Variants in ERBIN observed in about 807,000 individuals in gnomAD.
The protein encoded by ERBIN is erbb2 interacting protein.
Under a neutral mutation model 158.4 loss-of-function variants are expected in ERBIN, and 60 were observed. That is an observed-to-expected ratio of 0.38 (90% CI 0.31 to 0.47). ERBIN has a LOEUF of 0.47. Ranked by LOEUF, ERBIN falls within the 20% of genes least tolerant of loss-of-function variation. The pLI, the probability that ERBIN is intolerant of heterozygous loss-of-function variation, is 0.99. For synonymous variants in ERBIN, 594 were observed against 557.2 expected (o/e 1.07, Z -0.93); for missense variants, 1,610 against 1,648.0 (o/e 0.98, Z 0.40).
intron 21 of ERBIN, among the ~76,000 whole-genome samples, chr5:66,067,238 A>G (rs971332152): frequency 6.6e-6 from 1 of 152,216 alleles, no homozygotes; most frequent in African/African-American, 2.4e-5. Context: ...ATTTCACAGA[A>G]TAACTGGAAG....
chr5:66,021,894 C>G (rs1755731363), intron 8 of ERBIN, among the ~76,000 whole-genome samples: 1 of 151,836 alleles, frequency 6.6e-6, no homozygotes, highest in South Asian at 2.1e-4. Flanking sequence ...GAAGCTGACT[C>G]TAAAAGGAAA....
At chr5:65,977,057 C>T (rs868254960) in intron 1 of ERBIN, among the ~76,000 whole-genome samples, 6 of 151,960 alleles carry the variant, frequency 3.9e-5, no homozygotes, top group South Asian at 4.2e-4. Flanking sequence ...GGGTGGTGGC[C>T]GGGCAGAGGG....
intron 21 of ERBIN, among the ~76,000 whole-genome samples, chr5:66,061,101 G>A (rs1760241222): frequency 6.6e-6 from 1 of 152,116 alleles, no homozygotes; most frequent in African/African-American, 2.4e-5. Context: ...GGATATCCTT[G>A]TTAACTTTCT....
At chr5:65,976,331 A>G (rs1749848299) in intron 1 of ERBIN, among the ~76,000 whole-genome samples, 1 of 151,960 alleles carries the variant, frequency 6.6e-6, no homozygotes, top group East Asian at 1.9e-4. Context: ...GAAATTAACT[A>G]TATGTAGTGG....
In ERBIN at chr5:66,080,538, T is replaced by A. The variant is rs1561469664; in HGVS notation, c.*2008T>A. Reference sequence around the variant, plus strand: ...ACAAGTCTCGGTGTTCCCTTTATTCTTAGTTTGTTTTTAAATATTAATTTT... The same window carrying A: ...ACAAGTCTCGGTGTTCCCTTTATTCATAGTTTGTTTTTAAATATTAATTTT... On this transcript the variant is annotated 3_prime_UTR_variant, in exon 26 of 26. Coordinates refer to ENST00000284037, the MANE Select transcript of ERBIN (RefSeq NM_001253697.2). The A allele has an allele frequency of 6.6e-6, 1 of 152,068 alleles. No homozygotes were observed. The highest frequency in any genetic ancestry group is 1.5e-5 in the Non-Finnish European group (1 of 67,886). 9.4% of individuals were successfully genotyped at this position (152,068 alleles called of 1,614,324 possible).
chr5:65,946,957 AT>A (rs368824685), intron 1 of ERBIN, among the ~76,000 whole-genome samples: 10 of 148,552 alleles, frequency 6.7e-5, no homozygotes, highest in South Asian at 6.4e-4. Context: ...TTCTAACTGG[AT>A]TTTTTTTTTG....
At position 66,078,290 on chromosome 5, in the gene ERBIN, G is replaced by T. The variant is rs942789173; in HGVS notation, c.4132-133G>T. On this transcript the variant is annotated intron_variant, in intron 25 of 25. Coordinates refer to ENST00000284037, the MANE Select transcript of ERBIN (RefSeq NM_001253697.2). ...AGACTTTATTCCTTGGTTTGGGTAG[G>T]GCCTGTGAATCTGTATGTTATTTTA... is the stretch of plus-strand genomic sequence containing the variant. 3.5e-5 allele frequency: 22 copies of T among 633,924 alleles called. No individual in the cohort carries two copies. In the African/African-American group the frequency reaches 4.3e-4, roughly 12 times the overall value. 39.3% of individuals were successfully genotyped at this position (633,924 alleles called of 1,614,324 possible). A position where few individuals can be genotyped will look rare whatever the true frequency, so the allele number is the denominator to read the frequency against.
At chr5:66,021,061 T>C (rs1370061016) in intron 7 of ERBIN, among the ~76,000 whole-genome samples, 1 of 151,996 alleles carries the variant, frequency 6.6e-6, no homozygotes, top group Admixed American at 6.5e-5. Context: ...TTCTGGCTTG[T>C]GGGTTTAAAT....
At chr5:66,071,527 G>A (rs1188764379) in intron 21 of ERBIN, among the ~76,000 whole-genome samples, 2 of 152,068 alleles carry the variant, frequency 1.3e-5, no homozygotes, top group African/African-American at 2.4e-5. Flanking sequence ...CTCCATATCA[G>A]TACTTCTGAA....
intron 3 of ERBIN, among the ~76,000 whole-genome samples, chr5:65,993,832 T>TG (rs1752140331): frequency 6.6e-6 from 1 of 152,128 alleles, no homozygotes. Context: ...CATAAAACTG[T>TG]GGGATATACT....
In ERBIN at chr5:66,079,401, T is replaced by C. The variant is rs1762276459; in HGVS notation, c.*871T>C. 1 of 152,226 alleles carries C rather than the reference T, an allele frequency of 6.6e-6. No homozygotes were observed. The highest frequency in any genetic ancestry group is 2.4e-5 in the African/African-American group (1 of 41,376). 9.4% of individuals were successfully genotyped at this position (152,226 alleles called of 1,614,324 possible). On this transcript the variant is annotated 3_prime_UTR_variant, in exon 26 of 26. Coordinates refer to ENST00000284037, the MANE Select transcript of ERBIN (RefSeq NM_001253697.2). ...TTTTTTTTTTTTCAAATGGTGGTAC[T>C]TGCAATCTGTTTTATAATTAGTGCT... is the stretch of plus-strand genomic sequence containing the variant.
chr5:66,029,569 T>TCTGTC (rs545193447), intron 14 of ERBIN, among the ~76,000 whole-genome samples: 3,697 of 144,968 alleles, frequency 0.026, 127 homozygotes, highest in African/African-American at 0.09. Flanking sequence ...TCTGTTCTGT[T>TCTGTC]CTGTCCTGTC....
At chr5:65,954,000 G>A (rs1355832191) in intron 1 of ERBIN, among the ~76,000 whole-genome samples, 2 of 151,724 alleles carry the variant, frequency 1.3e-5, no homozygotes, top group African/African-American at 4.8e-5. Flanking sequence ...CCCTACACTC[G>A]TTACTCCCCT....
intron 14 of ERBIN, among the ~76,000 whole-genome samples, chr5:66,034,001 C>T (rs1255652290): frequency 6.6e-6 from 1 of 151,342 alleles, no homozygotes; most frequent in Admixed American, 6.6e-5. Flanking sequence ...CCCAGCTACT[C>T]GGGAGGCTGA....
chr5:66,008,601 A>G lies in ERBIN; in HGVS notation c.308-3448A>G, dbSNP rs986616149. ...ATTTTAGATCAGTAGAACATATTAT[A>G]TAGTCTTAGGTCTTTTTCTCTTTAG... On this transcript the variant is annotated intron_variant, in intron 4 of 25. Transcript: ENST00000284037. Among the ~76,000 whole-genome samples, 15 of 152,178 alleles carry G rather than the reference A, an allele frequency of 9.9e-5. 1 individual carries two copies. The highest frequency in any genetic ancestry group is 3.1e-4 in the African/African-American group (13 of 41,430).
At chr5:66,062,429 A>G (rs1229354302) in intron 21 of ERBIN, among the ~76,000 whole-genome samples, 1 of 152,002 alleles carries the variant, frequency 6.6e-6, no homozygotes, top group Non-Finnish European at 1.5e-5. Flanking sequence ...TGGTTATTCT[A>G]GTTATCCATT....
intron 21 of ERBIN, chr5:66,068,746 A>T: frequency 1.4e-6 from 1 of 716,752 alleles, no homozygotes; most frequent in Non-Finnish European, 2.1e-6. Context: ...TTCTTTCACT[A>T]ATGAAAATTA....
chr5:65,974,044 G>C (rs999173190), intron 1 of ERBIN, among the ~76,000 whole-genome samples: 1 of 151,000 alleles, frequency 6.6e-6, no homozygotes, highest in African/African-American at 2.5e-5. Flanking sequence ...AGACCAGCCT[G>C]GGCAACATAG....
chr5:66,013,201 A>C (rs1307601873), intron 5 of ERBIN, among the ~76,000 whole-genome samples: 1 of 152,212 alleles, frequency 6.6e-6, no homozygotes, highest in Non-Finnish European at 1.5e-5. Context: ...AGTCCTTTGA[A>C]TTGAGAGTAG....
Sources: gnomAD v4.1 joint callset for allele counts (sites outside exome capture counted in the v4.1 genomes callset) on GRCh38, gnomAD v4.1.1 for gene constraint, MANE v1.5 for transcripts, NCBI Gene and HGNC (gene_info 2026-07-23, HGNC 2026-07-21) for gene names.